TMX1: variants seen among roughly 807,000 people sequenced by gnomAD.
TMX1 encodes thioredoxin-related transmembrane protein 1.
In TMX1, 25 loss-of-function variants were observed where a neutral mutation model predicts 36.6. The ratio of observed to expected loss-of-function variants is 0.68; its 90% confidence interval spans 0.50 to 0.95. The LOEUF is 0.95. TMX1 is among the 40% of genes least tolerant of loss of function. The pLI is 0.00. For synonymous variants in TMX1, 133 were observed against 118.0 expected, an observed-to-expected ratio of 1.13 and a Z score of -0.82; for missense variants, 347 against 339.6, an observed-to-expected ratio of 1.02 and a Z score of -0.17.
Position 51,240,259 on chromosome 14 carries a change from G to T in TMX1, c.-34G>T, listed in dbSNP as rs755925172. On this transcript the variant is annotated 5_prime_UTR_variant, in exon 1 of 8. Transcript: ENST00000457354. ...CCGCGAGGGCGGAAGTGGGAGCTGCGACCGCGCTCCCTGTGAGGTGGGCAA... is the reference window on the plus strand; with the variant it reads ...CCGCGAGGGCGGAAGTGGGAGCTGCTACCGCGCTCCCTGTGAGGTGGGCAA... 2 of 1,600,940 alleles carry T rather than the reference G, an allele frequency of 1.2e-6. No individual in the cohort carries two copies. The highest frequency in any genetic ancestry group is 1.3e-5 in the African/African-American group (1 of 74,824).
chr14:51,251,579 A>G (rs1198715347), intron 7 of TMX1, among the ~76,000 whole-genome samples: 8 of 152,180 alleles, frequency 5.3e-5, no homozygotes. Flanking sequence ...AAGTCATGTG[A>G]TGTGCAGGCT....
At position 51,249,623 on chromosome 14, in the gene TMX1, A is replaced by T. The variant is rs2065802545; in HGVS notation, c.591+54A>T. On this transcript the variant is annotated intron_variant, in intron 6 of 7. Coordinates refer to ENST00000457354, the MANE Select transcript of TMX1 (RefSeq NM_030755.5). Reference sequence around the variant, plus strand: ...AAGAAAGATATTTAAAAATGTGATTATTTAAAATAGTTACATTAGCTGTGG... The same window carrying T: ...AAGAAAGATATTTAAAAATGTGATTTTTTAAAATAGTTACATTAGCTGTGG... 3 of 1,594,848 alleles carry T rather than the reference A, an allele frequency of 1.9e-6. No homozygotes were observed. In the African/African-American group the frequency reaches 4.0e-5, roughly 21 times the overall value.
chr14:51,245,547 A>C, intron 3 of TMX1, 189 bp downstream of exon 3: 1 of 1,387,818 alleles, frequency 7.2e-7, no homozygotes, highest in Non-Finnish European at 9.8e-7. Context: ...TGTGTGAAAC[A>C]GTCTCTGTTC....
chr14:51,242,802 C>G (rs2065767966), intron 1 of TMX1, among the ~76,000 whole-genome samples: 1 of 152,056 alleles, frequency 6.6e-6, no homozygotes, highest in Non-Finnish European at 1.5e-5. Context: ...AACTGAGCAA[C>G]AAAACGAACC....
intron 5 of TMX1, 31 bp downstream of exon 5, chr14:51,249,402 T>C (rs777722656): frequency 6.3e-7 from 1 of 1,597,024 alleles, no homozygotes; most frequent in Non-Finnish European, 8.5e-7. Context: ...ATCTTAAACA[T>C]TTTTACCACT....
intron 7 of TMX1, among the ~76,000 whole-genome samples, chr14:51,253,543 G>A (rs1241294532): frequency 6.6e-6 from 1 of 152,174 alleles, no homozygotes; most frequent in African/African-American, 2.4e-5. Context: ...GATTGCCTAG[G>A]ATTGGGGGCA....
At chr14:51,252,592 A>G (rs2065819521) in intron 7 of TMX1, among the ~76,000 whole-genome samples, 1 of 152,150 alleles carries the variant, frequency 6.6e-6, no homozygotes, top group African/African-American at 2.4e-5. Flanking sequence ...TATGTATATG[A>G]TTGTGTAATT....
chr14:51,245,227 A>G, intron 2 of TMX1, 86 bp from the exon 3 acceptor site: 1 of 1,421,882 alleles, frequency 7.0e-7, no homozygotes, highest in East Asian at 2.3e-5. Context: ...CTTTCCTATT[A>G]GTATGTATTT....
rs1466373493 is a variant in TMX1 at position 51,256,862 on chromosome 14, CT to C, written c.*2344del. 6.6e-6 allele frequency: 1 copy of C among 152,014 alleles called. No individual in the cohort carries two copies. Among genetic ancestry groups the C allele is most frequent in the Non-Finnish European group, 1.5e-5 (1 of 68,014 alleles). The allele number at this position is 152,014 out of a possible 1,614,324, so 9.4% of individuals were successfully genotyped here. On this transcript the variant is annotated 3_prime_UTR_variant, in exon 8 of 8. Transcript: ENST00000457354. ...TGGTACAAATAGGTAAAATTTGAAT[CT>C]AATTCTTGTTCCAAATCTTTTTTTG...
At chr14:51,246,932 A>T (rs915736873) in intron 3 of TMX1, among the ~76,000 whole-genome samples, 160 bp from the exon 4 acceptor site, 1 of 152,124 alleles carries the variant, frequency 6.6e-6, no homozygotes, top group African/African-American at 2.4e-5. Flanking sequence ...GGGGGCTAAA[A>T]TGTCATGAGT....
chr14:51,244,052 T>C, intron 2 of TMX1, 81 bp downstream of exon 2: 1 of 1,116,228 alleles, frequency 9.0e-7, no homozygotes, highest in Middle Eastern at 2.1e-4. Context: ...TGCATAGTCT[T>C]AATTCTACCT....
At chr14:51,254,254 G>T in intron 7 of TMX1, 87 bp from the exon 8 acceptor site, 1 of 1,173,876 alleles carries the variant, frequency 8.5e-7, no homozygotes, top group African/African-American at 1.6e-5. Flanking sequence ...AAGCAGTTTT[G>T]GGGCATATGA....
chr14:51,243,952 A>T lies in TMX1; in HGVS notation c.249A>T (p.Val83=). Residue 83 remains valine, a synonymous_variant, in exon 2 of 8, where the codon GTA becomes GTT. Transcript: ENST00000457354. ...ATCTTGAGGTTAATATTGCGAAAGT[A>T]GATGTCACAGAGCAGCCAGGTACTG... ...GEDLEVNIAK[V]DVTEQPGLSG... is the part of the protein sequence containing the mutation. 1 of 1,610,574 alleles carries T rather than the reference A, an allele frequency of 6.2e-7. No individual in the cohort carries two copies.
chr14:51,251,773 C>T (rs1359569111), intron 7 of TMX1, among the ~76,000 whole-genome samples: 1 of 152,126 alleles, frequency 6.6e-6, no homozygotes, highest in Non-Finnish European at 1.5e-5. Context: ...GATTCCCCAC[C>T]CTGGGTTTTG....
At position 51,254,498 on chromosome 14, in the gene TMX1, A is replaced by G. The variant is rs1356141774; in HGVS notation, c.822A>G (p.Ser274=). The change falls in exon 8 of 8, where the codon TCA becomes TCG. Residue 274 remains serine (S), a synonymous_variant. Transcript: ENST00000457354. ...NAIRQRSLGP[S]LATDKS is the part of the protein sequence containing the mutation. The stretch of plus-strand genomic sequence containing the variant: ...TAAGACAACGCTCTCTGGGTCCATC[A>G]TTGGCCACAGATAAATCCTAGTTAA... 6.2e-7 allele frequency: 1 copy of G among 1,600,178 alleles called. No individual in the cohort carries two copies. The highest frequency in any genetic ancestry group is 8.5e-7 in the Non-Finnish European group (1 of 1,176,568).
rs767629405 is a variant in TMX1, at chr14:51,247,155, T to C, written c.378T>C (p.Phe126=). 1 of 1,613,440 alleles carries C rather than the reference T, an allele frequency of 6.2e-7. No homozygotes were observed. Among genetic ancestry groups the C allele is most frequent in the South Asian group, 1.1e-5 (1 of 91,040 alleles). ...GPRTKKDFIN[F]ISDKEWKSIE... ...GGACTAAGAAGGACTTCATAAACTT[T>C]ATAAGTGATAAAGAGTGGAAGAGTA... Residue 126 remains phenylalanine (F), a synonymous_variant, in exon 4 of 8, where the codon TTT becomes TTC. Coordinates refer to ENST00000457354, the MANE Select transcript of TMX1 (RefSeq NM_030755.5).
intron 7 of TMX1, among the ~76,000 whole-genome samples, chr14:51,251,364 AATGCCTTTTTGACTT>A (rs2065812443): frequency 6.6e-6 from 1 of 151,842 alleles, no homozygotes; most frequent in Non-Finnish European, 1.5e-5. Flanking sequence ...AGTTGTATTA[AATGCCTTTTTGACTT>A]ATGATATTTT....
At chr14:51,248,582 C>T (rs967433411) in intron 4 of TMX1, among the ~76,000 whole-genome samples, 5 of 152,094 alleles carry the variant, frequency 3.3e-5, no homozygotes, top group African/African-American at 4.8e-5. Context: ...CTTTCTGTGT[C>T]GAACTAAAAG....
intron 2 of TMX1, 65 bp from the exon 3 acceptor site, chr14:51,245,248 A>G (rs1332966063): frequency 1.2e-5 from 19 of 1,582,438 alleles, no homozygotes; most frequent in Middle Eastern, 2.2e-4. Context: ...AAATAATTCA[A>G]AGTCACGTTT....
Sources: gnomAD v4.1 joint callset for allele counts (sites outside exome capture counted in the v4.1 genomes callset) on GRCh38, gnomAD v4.1.1 for gene constraint, MANE v1.5 for transcripts, NCBI Gene and HGNC (gene_info 2026-07-23, HGNC 2026-07-21) for gene names.